Variants in NPIPA5 observed in about 807,000 individuals in gnomAD.
The protein encoded by NPIPA5 is nuclear pore complex interacting protein family member A5.
In NPIPA5, 6 loss-of-function variants were observed where a neutral mutation model predicts 21.4. The ratio of observed to expected loss-of-function variants is 0.28; its 90% CI spans 0.15 to 0.55. The LOEUF (loss-of-function observed/expected upper bound fraction) is 0.55. NPIPA5 is among the 20% of genes least tolerant of loss of function. NPIPA5 has a pLI of 0.93. For synonymous variants in NPIPA5, 33 were observed against 115.3 expected (o/e 0.29, Z 4.57); for missense variants, 99 against 318.2 (o/e 0.31, Z 5.24).
intron 1 of NPIPA5, among the ~76,000 whole-genome samples, chr16:15,376,946 C>T (rs2050313116): frequency 6.6e-6 from 1 of 152,142 alleles, no homozygotes; most frequent in South Asian, 2.1e-4. Flanking sequence ...TGCACTCCAG[C>T]CTGGGCGACA....
At chr16:15,372,452 T>G (rs1598399729) in intron 2 of NPIPA5, among the ~76,000 whole-genome samples, 1 of 143,894 alleles carries the variant, frequency 6.9e-6, no homozygotes, top group African/African-American at 2.5e-5. Flanking sequence ...ACCATTATAC[T>G]CCAGCCTGGG....
chr16:15,381,568 C>T (rs2050433480), upstream of NPIPA5: 1 of 155,838 alleles, frequency 6.4e-6, no homozygotes, highest in African/African-American at 2.4e-5. Context: ...TGCATGTGGG[C>T]TCCGGAGCCA....
intron 4 of NPIPA5, among the ~76,000 whole-genome samples, chr16:15,367,231 C>T (rs2050000213): frequency 6.6e-6 from 1 of 152,162 alleles, no homozygotes; most frequent in Non-Finnish European, 1.5e-5. Context: ...GATGCCGGAA[C>T]TGAGACCATC....
At chr16:15,370,751 C>CAAAAAA (rs1307591913) in intron 2 of NPIPA5, among the ~76,000 whole-genome samples, 1 of 104,612 alleles carries the variant, frequency 9.6e-6, no homozygotes, top group Non-Finnish European at 2.0e-5. Flanking sequence ...AACTCTGTCT[C>CAAAAAA]AAAAAAAAAA....
chr16:15,379,965 A>G (rs2050397529), upstream of NPIPA5, among the ~76,000 whole-genome samples: 1 of 150,044 alleles, frequency 6.7e-6, no homozygotes. Flanking sequence ...AAAAATATAT[A>G]TATATGTGTG....
upstream of NPIPA5, chr16:15,381,101 A>G: frequency 6.6e-7 from 1 of 1,516,308 alleles, no homozygotes. Flanking sequence ...AGACAATTTT[A>G]AAAAAAAAAG....
chr16:15,374,085 A>G (rs1463944019), intron 1 of NPIPA5, among the ~76,000 whole-genome samples: 3 of 142,036 alleles, frequency 2.1e-5, no homozygotes, highest in African/African-American at 7.9e-5. Flanking sequence ...GGTATAAAGC[A>G]GGGATATCCA....
intron 4 of NPIPA5, among the ~76,000 whole-genome samples, chr16:15,369,117 A>G (rs1176667067): frequency 2.4e-4 from 35 of 146,948 alleles, no homozygotes; most frequent in African/African-American, 8.0e-4. Flanking sequence ...GCACCATAGC[A>G]CTCCAGCCTG....
At chr16:15,377,635 AGGGGAG>A (rs1432017273) in intron 1 of NPIPA5, among the ~76,000 whole-genome samples, 2 of 49,758 alleles carry the variant, frequency 4.0e-5, no homozygotes, top group African/African-American at 1.8e-4. Flanking sequence ...GGGGAGGGGG[AGGGGAG>A]GGGGAGGGGA....
At chr16:15,374,381 T>C (rs2050235341) in intron 1 of NPIPA5, among the ~76,000 whole-genome samples, 1 of 151,698 alleles carries the variant, frequency 6.6e-6, no homozygotes, top group African/African-American at 2.4e-5. Context: ...GTATTTTTAG[T>C]AGAGATGAGG....
chr16:15,380,977 A>G, upstream of NPIPA5: 1 of 1,488,142 alleles, frequency 6.7e-7, no homozygotes, highest in Non-Finnish European at 8.9e-7. Flanking sequence ...GTGCTGCTGC[A>G]GCTCCTTGGT....
upstream of NPIPA5, chr16:15,381,189 C>A: frequency 1.7e-6 from 1 of 577,886 alleles, no homozygotes; most frequent in South Asian, 2.0e-5. Context: ...GAACCAAGTT[C>A]AAATTCCTGT....
upstream of NPIPA5, among the ~76,000 whole-genome samples, chr16:15,379,548 C>A (rs957362981): frequency 3.8e-4 from 58 of 151,826 alleles, no homozygotes; most frequent in Non-Finnish European, 6.2e-4. Context: ...GCCTAGGCGA[C>A]AGAGCGAGAC....
At chr16:15,370,853 C>T (rs2050137919) in intron 2 of NPIPA5, among the ~76,000 whole-genome samples, 2 of 147,392 alleles carry the variant, frequency 1.4e-5, no homozygotes, top group African/African-American at 4.9e-5. Flanking sequence ...TGGAGACCAT[C>T]CTGGGCAACA....
At chr16:15,381,078 G>A (rs1181981367), upstream of NPIPA5, 10 of 1,537,110 alleles carry the variant, frequency 6.5e-6, no homozygotes, top group Non-Finnish European at 8.7e-6. Flanking sequence ...CTCATGATGA[G>A]TGCCAACCTA....
At chr16:15,376,971 C>G (rs2050314173) in intron 1 of NPIPA5, among the ~76,000 whole-genome samples, 1 of 151,918 alleles carries the variant, frequency 6.6e-6, no homozygotes, top group South Asian at 2.1e-4. Flanking sequence ...GAGACTCTGT[C>G]TAAAAAACAA....
chr16:15,368,254 G>C (rs1478468990), intron 4 of NPIPA5, among the ~76,000 whole-genome samples: 1 of 149,200 alleles, frequency 6.7e-6, no homozygotes, highest in Admixed American at 6.7e-5. Flanking sequence ...ACTGGCTCTG[G>C]TTGAGACCCA....
intron 4 of NPIPA5, among the ~76,000 whole-genome samples, chr16:15,368,781 C>T (rs904216166): frequency 7.7e-6 from 1 of 130,470 alleles, no homozygotes; most frequent in African/African-American, 2.7e-5. Context: ...GAGTTCTAGA[C>T]CAGCTTGGCC....
At chr16:15,380,094 A>G (rs1230846161), upstream of NPIPA5, among the ~76,000 whole-genome samples, 1 of 151,818 alleles carries the variant, frequency 6.6e-6, no homozygotes, top group Non-Finnish European at 1.5e-5. Flanking sequence ...TTAATGAATA[A>G]TTTAATTATT....
Sources: gnomAD v4.1 joint callset for allele counts (sites outside exome capture counted in the v4.1 genomes callset) on GRCh38, gnomAD v4.1.1 for gene constraint, MANE v1.5 for transcripts, NCBI Gene and HGNC (gene_info 2026-07-23, HGNC 2026-07-21) for gene names.